GABRG2: variants seen among roughly 807,000 people sequenced by gnomAD.
GABRG2 encodes the protein gamma-aminobutyric acid receptor subunit gamma-2.
Under a neutral mutation model 56.4 loss-of-function variants are expected in GABRG2, and 16 were observed. The ratio of observed to expected loss-of-function variants is 0.28; its 90% CI spans 0.19 to 0.43. GABRG2 has a LOEUF of 0.43. GABRG2 is among the 20% of genes least tolerant of loss of function. The pLI is 1.00. For missense variants in GABRG2, 327 were observed against 582.7 expected (o/e 0.56, Z 4.52); for synonymous variants, 208 against 205.5 (o/e 1.01, Z -0.10).
intron 6 of GABRG2, among the ~76,000 whole-genome samples, chr5:162,113,348 T>A (rs1446889985): frequency 6.6e-6 from 1 of 152,172 alleles, no homozygotes; most frequent in Non-Finnish European, 1.5e-5. Context: ...ATTTCTCTGT[T>A]TTCCAATTTA....
intron 6 of GABRG2, among the ~76,000 whole-genome samples, chr5:162,105,647 G>T (rs929363679): frequency 6.6e-6 from 1 of 151,540 alleles, no homozygotes; most frequent in Non-Finnish European, 1.5e-5. Context: ...AGCCAGGATG[G>T]TCTCGATCTC....
intron 1 of GABRG2, among the ~76,000 whole-genome samples, chr5:162,076,530 A>G (rs1409023725): frequency 6.6e-6 from 1 of 152,238 alleles, no homozygotes; most frequent in East Asian, 1.9e-4. Context: ...GCTTCTATTT[A>G]AATGAGAAAA....
chr5:162,153,551 C>T lies in GABRG2; in HGVS notation c.*183C>T. 4.2e-6 allele frequency: 3 copies of T among 721,302 alleles called. No individual in the cohort carries two copies. The highest frequency in any genetic ancestry group is 7.0e-6 in the Non-Finnish European group (3 of 431,300). 44.7% of individuals were successfully genotyped at this position (721,302 alleles called of 1,614,324 possible). A position where few individuals can be genotyped will look rare whatever the true frequency, so the allele number is the denominator to read the frequency against. ...GCCCAGCCCTCCTTTGGTTAGTGTACTTTGAACTTCGATGTTTGCTGTGTT... is the reference window on the plus strand; with the variant it reads ...GCCCAGCCCTCCTTTGGTTAGTGTATTTTGAACTTCGATGTTTGCTGTGTT... On this transcript the variant is annotated 3_prime_UTR_variant, in exon 10 of 10. Coordinates refer to ENST00000639213, the MANE Select transcript of GABRG2 (RefSeq NM_198904.4).
chr5:162,093,864 T>A lies in GABRG2; in HGVS notation c.144T>A (p.Asp48Glu), dbSNP rs772026488. 4 of 1,613,130 alleles carry A rather than the reference T, an allele frequency of 2.5e-6. No homozygotes were observed. The East Asian group carries it at 8.9e-5, about 36-fold the overall frequency. The change falls in exon 2 of 10, where the codon GAT becomes GAA. Residue 48 changes from aspartate (D) to glutamate (E), a missense_variant. This residue lies in a region of GABRG2 where 73 missense variants were observed against 72.2 expected (regional missense o/e 1.01). Transcript: ENST00000639213. ...AGAAATCTGATGATGACTATGAAGA[T>A]TATGCTTCTAACAAAACATGGGTCT... Reference protein sequence around the residue: ...TSQKSDDDYEDYASNKTWVLT... With the variant: ...TSQKSDDDYEEYASNKTWVLT...
chr5:162,124,488 C>G (rs1581406054), intron 6 of GABRG2, among the ~76,000 whole-genome samples: 1 of 151,556 alleles, frequency 6.6e-6, no homozygotes. Context: ...TTAGAGAGGC[C>G]CTCCCGAGAA....
At chr5:162,147,558 G>T (rs1378757651) in intron 7 of GABRG2, among the ~76,000 whole-genome samples, 3 of 151,974 alleles carry the variant, frequency 2.0e-5, no homozygotes, top group Non-Finnish European at 4.4e-5. Flanking sequence ...TAGAGACAAG[G>T]TTTCACTATG....
chr5:162,099,264 T>G (rs1224138119), intron 4 of GABRG2: 1 of 151,850 alleles, frequency 6.6e-6, no homozygotes, highest in African/African-American at 2.4e-5. Flanking sequence ...GAGTTTATTT[T>G]TATTTATTTA....
At chr5:162,081,093 T>G (rs116152603) in intron 1 of GABRG2, among the ~76,000 whole-genome samples, 2,017 of 152,164 alleles carry the variant, frequency 0.013, 23 homozygotes, top group Non-Finnish European at 0.022. Flanking sequence ...ATAAAATTTG[T>G]TATTGAACTT....
chr5:162,113,045 A>G (rs916479235), intron 6 of GABRG2, among the ~76,000 whole-genome samples: 8 of 151,892 alleles, frequency 5.3e-5, no homozygotes, highest in African/African-American at 1.5e-4. Context: ...TCCACCTCCC[A>G]GTTCGTGCCT....
intron 8 of GABRG2, 82 bp from the exon 9 acceptor site, chr5:162,151,648 T>G (rs1237191349): frequency 4.2e-6 from 5 of 1,188,430 alleles, no homozygotes; most frequent in Non-Finnish European, 6.1e-6. Flanking sequence ...TAATTTATCT[T>G]GTCTCTCTCT....
chr5:162,128,659 G>C (rs539213955), intron 6 of GABRG2, among the ~76,000 whole-genome samples: 3 of 151,906 alleles, frequency 2.0e-5, no homozygotes, highest in Non-Finnish European at 4.4e-5. Context: ...CTCTGATACT[G>C]TACTTCGACT....
intron 7 of GABRG2, among the ~76,000 whole-genome samples, chr5:162,144,707 C>T (rs1764828915): frequency 6.6e-6 from 1 of 152,072 alleles, no homozygotes; most frequent in Admixed American, 6.5e-5. Flanking sequence ...AGATCTGCAC[C>T]TCAGCTGATG....
At chr5:162,076,626 CATT>C (rs1266213618) in intron 1 of GABRG2, among the ~76,000 whole-genome samples, 1 of 152,112 alleles carries the variant, frequency 6.6e-6, no homozygotes, top group Non-Finnish European at 1.5e-5. Flanking sequence ...CATTGTAAAA[CATT>C]ATCCCTGAGT....
chr5:162,140,330 G>GATT (rs1764465683), intron 6 of GABRG2, among the ~76,000 whole-genome samples: 1 of 152,190 alleles, frequency 6.6e-6, no homozygotes, highest in Non-Finnish European at 1.5e-5. Context: ...AAAAGGCAGT[G>GATT]TTAAGAGGCA....
chr5:162,101,123 T>G, intron 4 of GABRG2, 112 bp from the exon 5 acceptor site: 1 of 789,578 alleles, frequency 1.3e-6, no homozygotes, highest in Non-Finnish European at 2.1e-6. Flanking sequence ...ACTCTGTGTT[T>G]TCAATCAGAA....
intron 6 of GABRG2, 144 bp from the exon 7 acceptor site, chr5:162,142,020 G>A (rs1376157685): frequency 9.6e-6 from 10 of 1,043,010 alleles, no homozygotes; most frequent in Non-Finnish European, 1.5e-5. Flanking sequence ...TTTAACCCAA[G>A]CGGGCAAAAA....
At chr5:162,070,523 A>G (rs1758587750) in intron 1 of GABRG2, among the ~76,000 whole-genome samples, 1 of 151,398 alleles carries the variant, frequency 6.6e-6, no homozygotes, top group Admixed American at 6.7e-5. Flanking sequence ...AACCACCTAG[A>G]AAGTTAAAGA....
At chr5:162,136,344 T>C (rs184499673) in intron 6 of GABRG2, among the ~76,000 whole-genome samples, 8 of 152,332 alleles carry the variant, frequency 5.3e-5, no homozygotes, top group African/African-American at 1.9e-4. Flanking sequence ...ACTAGCTACA[T>C]GTAGCTCTCG....
Position 162,095,499 on chromosome 5 carries a change from G to T in GABRG2, c.264G>T (p.Lys88Asn). ...DNKLRPDIGV[K>N]PTLIHTDMYV... is the part of the protein sequence containing the mutation. ...TTTCTATGTTTCTCTTTACAGTGAA[G>T]CCAACGTTAATTCACACAGACATGT... The change falls in exon 3 of 10, where the codon AAG becomes AAT. Residue 88 changes from lysine to asparagine, a missense_variant. This residue lies in a region of GABRG2 where 104 missense variants were observed against 209.3 expected (regional missense o/e 0.50). Coordinates refer to ENST00000639213, the MANE Select transcript of GABRG2 (RefSeq NM_198904.4). 1 of 1,602,054 alleles carries T rather than the reference G, an allele frequency of 6.2e-7. No homozygotes were observed.
Sources: allele counts gnomAD v4.1 joint callset (sites outside exome capture counted in the v4.1 genomes callset), GRCh38; gene constraint gnomAD v4.1.1; regional missense constraint gnomAD v4.1.1; transcripts MANE v1.5; gene names NCBI Gene and HGNC (gene_info 2026-07-23, HGNC 2026-07-21).